MCMBP: variants seen among roughly 807,000 people sequenced by gnomAD.
The protein encoded by MCMBP is minichromosome maintenance complex binding protein.
Under a neutral mutation model 81.3 loss-of-function variants are expected in MCMBP, and 31 were observed. The observed-to-expected ratio is 0.38, with a 90% CI of 0.29 to 0.51. MCMBP has a LOEUF of 0.51. Among genes scored for constraint, MCMBP ranks in the 20% least tolerant of loss-of-function variants. The probability of loss-of-function intolerance (pLI) is 0.87; values close to 1 mark genes in which losing one functional copy is unlikely to be tolerated. For missense variants in MCMBP, 645 were observed against 772.1 expected, an observed-to-expected ratio of 0.84 and a Z score of 1.95; for synonymous variants, 267 against 275.9, an observed-to-expected ratio of 0.97 and a Z score of 0.32.
intron 5 of MCMBP, among the ~76,000 whole-genome samples, chr10:119,855,695 G>A (rs1289687182): frequency 6.6e-6 from 1 of 151,544 alleles, no homozygotes; most frequent in Non-Finnish European, 1.5e-5. Context: ...GCTAGAAAAA[G>A]ACCAATTAAA....
At chr10:119,856,314 G>A (rs556296042) in intron 5 of MCMBP, among the ~76,000 whole-genome samples, 1 of 152,152 alleles carries the variant, frequency 6.6e-6, no homozygotes, top group East Asian at 1.9e-4. Context: ...GCTTAAAACC[G>A]TAAATAACCT....
chr10:119,835,827 G>T, intron 13 of MCMBP, 123 bp from the exon 14 acceptor site: 3 of 1,045,840 alleles, frequency 2.9e-6, no homozygotes, highest in Admixed American at 2.6e-5. Flanking sequence ...TTATTTAGGG[G>T]GAGGGAATAA....
intron 1 of MCMBP, among the ~76,000 whole-genome samples, chr10:119,870,683 A>C (rs2134416644): frequency 6.6e-6 from 1 of 152,352 alleles, no homozygotes; most frequent in South Asian, 2.1e-4. Flanking sequence ...ATTTCCTACT[A>C]AACCAAAAAG....
At chr10:119,854,622 A>C (rs1564881558) in intron 5 of MCMBP, among the ~76,000 whole-genome samples, 1 of 151,860 alleles carries the variant, frequency 6.6e-6, no homozygotes, top group Non-Finnish European at 1.5e-5. Context: ...ATTGAACAGA[A>C]ACTGACAGAA....
chr10:119,854,555 A>G (rs1178369548), intron 5 of MCMBP, among the ~76,000 whole-genome samples: 1 of 134,814 alleles, frequency 7.4e-6, no homozygotes, highest in Non-Finnish European at 1.7e-5. Context: ...AAATAAATAA[A>G]TAAATAAATA....
Position 119,835,712 on chromosome 10 carries a change from G to C in MCMBP, c.1543-8C>G, listed in dbSNP as rs1589774666. The C allele has an allele frequency of 3.7e-6, 6 of 1,614,090 alleles. No homozygotes were observed. Among genetic ancestry groups the C allele is most frequent in the Non-Finnish European group, 5.1e-6 (6 of 1,179,958 alleles). ...GTGAATCTGGCAGTCTGCCTGAAAA[G>C]AGAAGGAGTACACTGTATTTTCTGA... On this transcript the variant is annotated splice_region_variant and splice_polypyrimidine_tract_variant and intron_variant, in intron 13 of 15. Coordinates refer to ENST00000369077, the MANE Select transcript of MCMBP (RefSeq NM_001256378.2).
chr10:119,872,915 A>G (rs1189446550), upstream of MCMBP: 3 of 151,696 alleles, frequency 2.0e-5, no homozygotes, highest in Non-Finnish European at 4.4e-5. Flanking sequence ...GGGCGGCGGG[A>G]GCGCGCGGCG....
chr10:119,859,621 T>A (rs1315698115), intron 2 of MCMBP, among the ~76,000 whole-genome samples, 178 bp downstream of exon 2: 1 of 152,148 alleles, frequency 6.6e-6, no homozygotes, highest in Non-Finnish European at 1.5e-5. Context: ...AATGTATAAG[T>A]ATTTACATGC....
At chr10:119,847,054 AATG>A (rs1852642035) in intron 8 of MCMBP, among the ~76,000 whole-genome samples, 1 of 152,238 alleles carries the variant, frequency 6.6e-6, no homozygotes, top group East Asian at 1.9e-4. Flanking sequence ...AAAATGTGCA[AATG>A]ATAAGATTGT....
At chr10:119,836,783 TTTTTTTTTTTTAC>T in intron 13 of MCMBP, 100 bp downstream of exon 13, 1 of 159,798 alleles carries the variant, frequency 6.3e-6, no homozygotes. Flanking sequence ...TTTTTTTTTT[TTTTTTTTTTTTAC>T]AACAAATGTA....
Position 119,843,454 on chromosome 10 carries a change from T to C in MCMBP, c.828-28A>G, listed in dbSNP as rs1554902082. On this transcript the variant is annotated intron_variant, in intron 8 of 15. Coordinates refer to ENST00000369077, the MANE Select transcript of MCMBP (RefSeq NM_001256378.2). The stretch of plus-strand genomic sequence containing the variant: ...GTGGAGAGGTGATAAAGTTTCAATT[T>C]AGAGAGACATCAATTGCACAGATGC... The C allele has an allele frequency of 2.1e-5, 33 of 1,600,300 alleles. No homozygotes were observed. In the South Asian group the frequency reaches 3.2e-4, roughly 16 times the overall value.
At chr10:119,850,860 GGT>G (rs1852794934) in intron 6 of MCMBP, among the ~76,000 whole-genome samples, 1 of 145,574 alleles carries the variant, frequency 6.9e-6, no homozygotes, top group African/African-American at 2.5e-5. Flanking sequence ...GAGGCTAAAA[GGT>G]ATACAAGATC....
At position 119,857,577 on chromosome 10, in the gene MCMBP, A is replaced by C. The variant is rs891068875; in HGVS notation, c.328-138T>G. 4 of 525,482 alleles carry C rather than the reference A, an allele frequency of 7.6e-6. No homozygotes were observed. The African/African-American group carries it at 7.7e-5, about 10-fold the overall frequency. 32.6% of individuals were successfully genotyped at this position (525,482 alleles called of 1,614,324 possible). On this transcript the variant is annotated intron_variant, in intron 4 of 15. Transcript: ENST00000369077. ...ATTAATTAACAAGTAACTAATTCCAAACTATTACTTTTTAAAAGAAAATGG... is the reference window on the plus strand; with the variant it reads ...ATTAATTAACAAGTAACTAATTCCACACTATTACTTTTTAAAAGAAAATGG...
At position 119,831,122 on chromosome 10, in the gene MCMBP, CCTT is replaced by C. The variant is rs1396128524; in HGVS notation, c.*349_*351del. The C allele has an allele frequency of 8.2e-5, 13 of 158,516 alleles. No homozygotes were observed. In the South Asian group the frequency reaches 2.4e-3, roughly 29 times the overall value. 9.8% of individuals were successfully genotyped at this position (158,516 alleles called of 1,614,324 possible). ...TCCTCTGACTTTGAAACTGCAACAA[CCTT>C]CTTCATTTCAGCATTTCAACAGTCT... On this transcript the variant is annotated 3_prime_UTR_variant, in exon 16 of 16. Coordinates refer to ENST00000369077, the MANE Select transcript of MCMBP (RefSeq NM_001256378.2).
intron 10 of MCMBP, 35 bp downstream of exon 10, chr10:119,842,437 A>G: frequency 6.3e-7 from 1 of 1,588,964 alleles, no homozygotes; most frequent in Non-Finnish European, 8.5e-7. Flanking sequence ...ACACACACCA[A>G]ACTCCCCTAA....
rs1319051609 is a variant in MCMBP at position 119,872,531 on chromosome 10, G to C, written c.54C>G (p.Phe18Leu). The change falls in exon 1 of 16, where the codon TTC (phenylalanine) becomes TTG (leucine). Residue 18 changes from phenylalanine to leucine, a missense_variant. Coordinates refer to ENST00000369077, the MANE Select transcript of MCMBP (RefSeq NM_001256378.2). ...CCCCCCGGCGCCGCCACTCACCGAA[G>C]AATCCCTGCACGATTCCCAGCGGGT... Reference protein sequence around the residue: ...LSHPLGIVQGFFAQNGVNPDW... With the variant: ...LSHPLGIVQGLFAQNGVNPDW... 1 of 1,195,894 alleles carries C rather than the reference G, an allele frequency of 8.4e-7. No individual in the cohort carries two copies. The highest frequency in any genetic ancestry group is 1.0e-6 in the Non-Finnish European group (1 of 957,880). The allele number at this position is 1,195,894 out of a possible 1,614,324, so 74.1% of individuals were successfully genotyped here.
chr10:119,861,614 C>T (rs1853257451), intron 1 of MCMBP, among the ~76,000 whole-genome samples: 1 of 152,102 alleles, frequency 6.6e-6, no homozygotes. Context: ...ACGACTGCCA[C>T]ACCAACTATT....
At chr10:119,853,254 A>T in intron 5 of MCMBP, 60 bp from the exon 6 acceptor site, 1 of 1,528,472 alleles carries the variant, frequency 6.5e-7, no homozygotes, top group Non-Finnish European at 8.9e-7. Context: ...AAGTTTTGCT[A>T]ATTATATGAC....
At chr10:119,836,617 C>T (rs188766796) in intron 13 of MCMBP, among the ~76,000 whole-genome samples, 4 of 152,304 alleles carry the variant, frequency 2.6e-5, no homozygotes, top group African/African-American at 4.8e-5. Flanking sequence ...CAGGCAATCT[C>T]GCTATGCTCA....
Sources: allele counts gnomAD v4.1 joint callset (sites outside exome capture counted in the v4.1 genomes callset), GRCh38; gene constraint gnomAD v4.1.1; transcripts MANE v1.5; gene names NCBI Gene and HGNC (gene_info 2026-07-23, HGNC 2026-07-21).